SLC36A1: variants seen among roughly 807,000 people sequenced by gnomAD.
SLC36A1 encodes the protein solute carrier family 36 member 1.
Under a neutral mutation model 47.5 loss-of-function variants are expected in SLC36A1, and 30 were observed. That is an observed-to-expected ratio of 0.63 (90% CI 0.47 to 0.86). The LOEUF (loss-of-function observed/expected upper bound fraction) is 0.86, where lower values mean the gene tolerates loss of function less well. Ranked by LOEUF, SLC36A1 falls within the 40% of genes least tolerant of loss-of-function variation. SLC36A1 has a pLI of 0.00. For missense variants in SLC36A1, 517 were observed against 606.0 expected (o/e 0.85, Z 1.54); for synonymous variants, 255 against 249.7 (o/e 1.02, Z -0.20).
At chr5:151,384,915 A>C in the SLC36A1 span, among the ~76,000 whole-genome samples, 1 of 152,038 alleles carries the variant, frequency 6.6e-6, no homozygotes, top group Non-Finnish European at 1.5e-5. Context: ...TATAAAGTCA[A>C]AAAGATGCAG....
intron 1 of SLC36A1, among the ~76,000 whole-genome samples, chr5:151,441,045 G>T (rs1257646853): frequency 6.6e-6 from 1 of 152,212 alleles, no homozygotes; most frequent in South Asian, 2.1e-4. Context: ...GATGCAGTAG[G>T]TGTAGAGTAG....
the SLC36A1 span, chr5:151,507,226 G>A: frequency 6.2e-7 from 1 of 1,613,556 alleles, no homozygotes; most frequent in Non-Finnish European, 8.5e-7. Flanking sequence ...GCAGCTGGCG[G>A]GAGTCTGGGG....
the SLC36A1 span, among the ~76,000 whole-genome samples, chr5:151,354,067 G>T: frequency 2.6e-5 from 4 of 152,152 alleles, no homozygotes; most frequent in East Asian, 1.9e-4. Flanking sequence ...ACTTTGGAAG[G>T]CTGAGGAGGG....
At position 151,479,468 on chromosome 5, in the gene SLC36A1, A is replaced by T; in HGVS notation, c.1138A>T (p.Thr380Ser). Reference protein sequence around the residue: ...CELVVDLFVRTVLVCLTCILA... With the variant: ...CELVVDLFVRSVLVCLTCILA... ...GTTAGTGGTGGACCTGTTTGTGCGCACAGTGCTGGTCTGCCTGACATGTGA... is the reference window on the plus strand; with the variant it reads ...GTTAGTGGTGGACCTGTTTGTGCGCTCAGTGCTGGTCTGCCTGACATGTGA... Residue 380 changes from threonine to serine, a missense_variant, in exon 10 of 11, where the codon ACA becomes TCA. By Grantham distance (58) the Thr-to-Ser change is moderately conservative. Coordinates refer to ENST00000243389, the MANE Select transcript of SLC36A1 (RefSeq NM_078483.4). 1 of 1,614,204 alleles carries T rather than the reference A, an allele frequency of 6.2e-7. No homozygotes were observed. The highest frequency in any genetic ancestry group is 8.5e-7 in the Non-Finnish European group (1 of 1,180,032).
upstream of SLC36A1, among the ~76,000 whole-genome samples, chr5:151,433,598 C>T (rs905909629): frequency 6.6e-6 from 1 of 151,636 alleles, no homozygotes; most frequent in African/African-American, 2.4e-5. Context: ...GCCTGAATAA[C>T]ATATTTTAAA....
At chr5:151,357,093 G>A in the SLC36A1 span, among the ~76,000 whole-genome samples, 2 of 152,202 alleles carry the variant, frequency 1.3e-5, no homozygotes, top group East Asian at 3.9e-4. Context: ...TAAGGAACTC[G>A]AAGTTCATCG....
the SLC36A1 span, among the ~76,000 whole-genome samples, chr5:151,530,467 T>C: frequency 8.3e-4 from 127 of 152,266 alleles, no homozygotes; most frequent in Middle Eastern, 3.4e-3. Context: ...AAAATTCTAT[T>C]AGACACATGA....
the SLC36A1 span, among the ~76,000 whole-genome samples, chr5:151,531,252 A>G: frequency 1.3e-5 from 2 of 152,192 alleles, no homozygotes; most frequent in African/African-American, 2.4e-5. This position sits in a 1 kb window ranked among gnomAD's most constrained non-coding sequence, Gnocchi z 5.7. Flanking sequence ...CTGCCTCTGC[A>G]GCCAAGCCGT....
At chr5:151,505,489 A>AC in the SLC36A1 span, 3 of 1,563,360 alleles carry the variant, frequency 1.9e-6, no homozygotes, top group African/African-American at 4.2e-5. Context: ...CACTCAACTC[A>AC]CCCCCTACGA....
At chr5:151,354,859 G>A in the SLC36A1 span, among the ~76,000 whole-genome samples, 2 of 152,110 alleles carry the variant, frequency 1.3e-5, no homozygotes, top group African/African-American at 4.8e-5. Context: ...CTATATATAC[G>A]GGGGGTGGCA....
At chr5:151,393,226 C>T in the SLC36A1 span, among the ~76,000 whole-genome samples, 3 of 151,830 alleles carry the variant, frequency 2.0e-5, no homozygotes, top group African/African-American at 7.3e-5. Flanking sequence ...GATTGCAACC[C>T]CTGCCTTTTT....
chr5:151,424,611 A>C, the SLC36A1 span, among the ~76,000 whole-genome samples: 1 of 152,234 alleles, frequency 6.6e-6, no homozygotes, highest in African/African-American at 2.4e-5. Context: ...CAATTTCATG[A>C]GTCTTATGGA....
the SLC36A1 span, among the ~76,000 whole-genome samples, chr5:151,370,032 C>T: frequency 6.6e-6 from 1 of 152,066 alleles, no homozygotes; most frequent in African/African-American, 2.4e-5. Flanking sequence ...AACTCCTGAC[C>T]TCAAGTGATC....
At chr5:151,389,990 C>G in the SLC36A1 span, among the ~76,000 whole-genome samples, 17 of 152,328 alleles carry the variant, frequency 1.1e-4, no homozygotes, top group Admixed American at 7.8e-4. Context: ...GCCACACTGT[C>G]TTCCACAATG....
chr5:151,424,699 A>AATG, the SLC36A1 span, among the ~76,000 whole-genome samples: 1 of 152,164 alleles, frequency 6.6e-6, no homozygotes, highest in Non-Finnish European at 1.5e-5. Flanking sequence ...TAATAATAAT[A>AATG]ATAGAAACCA....
At chr5:151,540,385 C>A in the SLC36A1 span, among the ~76,000 whole-genome samples, 1 of 151,796 alleles carries the variant, frequency 6.6e-6, no homozygotes, top group Admixed American at 6.6e-5. Flanking sequence ...GCCCCTCAAT[C>A]TCCCTTCTCC....
intron 1 of SLC36A1, among the ~76,000 whole-genome samples, chr5:151,449,545 G>T (rs1753299129): frequency 6.6e-6 from 1 of 152,182 alleles, no homozygotes; most frequent in Admixed American, 6.5e-5. Context: ...TGTTCATTCA[G>T]CCTCCTCTTG....
the SLC36A1 span, among the ~76,000 whole-genome samples, chr5:151,498,002 A>G: frequency 2.6e-5 from 4 of 151,352 alleles, no homozygotes; most frequent in South Asian, 2.1e-4. Context: ...CTGGAGTACA[A>G]TGGTGCAATC....
the SLC36A1 span, among the ~76,000 whole-genome samples, chr5:151,376,128 G>T: frequency 6.6e-6 from 1 of 152,122 alleles, no homozygotes; most frequent in Non-Finnish European, 1.5e-5. Context: ...TTGGCCATGG[G>T]TTTGTTGTAT....
Sources: gnomAD v4.1 joint callset for allele counts (sites outside exome capture counted in the v4.1 genomes callset) on GRCh38, gnomAD v4.1.1 for gene constraint, Gnocchi (gnomAD v3.1) non-coding constraint, MANE v1.5 for transcripts, NCBI Gene and HGNC (gene_info 2026-07-23, HGNC 2026-07-21) for gene names.